ZBTB40: variants seen among roughly 807,000 people sequenced by gnomAD.
The protein encoded by ZBTB40 is zinc finger and BTB domain containing 40.
Under a neutral mutation model 117.5 loss-of-function variants are expected in ZBTB40, and 60 were observed. The observed-to-expected ratio is 0.51, with a 90% CI of 0.41 to 0.63. The LOEUF (loss-of-function observed/expected upper bound fraction) is 0.63. ZBTB40 is among the 30% of genes least tolerant of loss of function. The pLI is 0.00. For missense variants in ZBTB40, 1,287 were observed against 1,498.5 expected (o/e 0.86, Z 2.33); for synonymous variants, 525 against 577.1 (o/e 0.91, Z 1.29).
chr1:22,502,411 G>A lies in ZBTB40; in HGVS notation c.1137G>A (p.Lys379=). The stretch of plus-strand genomic sequence containing the variant: ...TTATGGAGTCCCTGGAAACAGCCAA[G>A]GAGGAATTCCTGACTGGCACTGAAA... ...RPIMESLETA[K]EEFLTGTEKR... is the part of the protein sequence containing the mutation. The change falls in exon 5 of 18, where the codon AAG becomes AAA. Residue 379 remains lysine (K), a synonymous_variant. Coordinates refer to ENST00000375647, the MANE Select transcript of ZBTB40 (RefSeq NM_014870.4). 1 of 1,614,086 alleles carries A rather than the reference G, an allele frequency of 6.2e-7. No individual in the cohort carries two copies. Among genetic ancestry groups the A allele is most frequent in the Non-Finnish European group, 8.5e-7 (1 of 1,179,970 alleles).
chr1:22,460,066 C>T (rs1641095793), intron 1 of ZBTB40, among the ~76,000 whole-genome samples: 1 of 152,180 alleles, frequency 6.6e-6, no homozygotes, highest in Non-Finnish European at 1.5e-5. Flanking sequence ...CTTGATACCT[C>T]CCCCCTTAAA....
intron 1 of ZBTB40, among the ~76,000 whole-genome samples, chr1:22,471,430 G>A (rs1641401359): frequency 6.6e-6 from 1 of 152,238 alleles, no homozygotes; most frequent in African/African-American, 2.4e-5. Context: ...CTGCATTTGG[G>A]CTCTGCTCAA....
intron 1 of ZBTB40, among the ~76,000 whole-genome samples, chr1:22,475,549 C>G (rs984182901): frequency 1.3e-5 from 2 of 152,180 alleles, no homozygotes; most frequent in East Asian, 1.9e-4. Flanking sequence ...GTCTGCAATT[C>G]TTTTTCTTTT....
chr1:22,464,113 G>T (rs1641196487), intron 1 of ZBTB40, among the ~76,000 whole-genome samples: 1 of 152,244 alleles, frequency 6.6e-6, no homozygotes, highest in Non-Finnish European at 1.5e-5. Flanking sequence ...TGCTTTAGGT[G>T]TAACTCATTT....
At chr1:22,495,009 C>A (rs750857736) in intron 3 of ZBTB40, among the ~76,000 whole-genome samples, 2 of 152,148 alleles carry the variant, frequency 1.3e-5, no homozygotes, top group Non-Finnish European at 2.9e-5. Context: ...TTTAGCTCCC[C>A]AAGAGCTTTG....
Position 22,529,188 on chromosome 1 carries a change from C to G in ZBTB40, c.*2792C>G, listed in dbSNP as rs1639764295. The G allele has an allele frequency of 6.6e-6, 1 of 152,302 alleles. No individual in the cohort carries two copies. The highest frequency in any genetic ancestry group is 1.5e-5 in the Non-Finnish European group (1 of 68,044). The allele number at this position is 152,302 out of a possible 1,614,324, so 9.4% of individuals were successfully genotyped here. A position where few individuals can be genotyped will look rare whatever the true frequency, so the allele number is the denominator to read the frequency against. ...CTGCCCAAGAGACCTGAATTGCTGC[C>G]ATAGAGGACAGTGTTTGTGTGGTCT... On this transcript the variant is annotated 3_prime_UTR_variant, in exon 18 of 18. Coordinates refer to ENST00000375647, the MANE Select transcript of ZBTB40 (RefSeq NM_014870.4).
At chr1:22,505,833 A>G (rs1412044733) in intron 5 of ZBTB40, among the ~76,000 whole-genome samples, 1 of 152,242 alleles carries the variant, frequency 6.6e-6, no homozygotes, top group Non-Finnish European at 1.5e-5. Context: ...ATTGAGAAAG[A>G]AAGATTTTCA....
chr1:22,482,342 A>G (rs986830310), intron 1 of ZBTB40, among the ~76,000 whole-genome samples: 1 of 152,162 alleles, frequency 6.6e-6, no homozygotes, highest in Admixed American at 6.5e-5. Flanking sequence ...GAGCAGTTTG[A>G]GGTACATGCA....
At chr1:22,520,528 G>A (rs973219466) in intron 14 of ZBTB40, among the ~76,000 whole-genome samples, 1 of 152,190 alleles carries the variant, frequency 6.6e-6, no homozygotes, top group South Asian at 2.1e-4. Flanking sequence ...CAGACTTGTC[G>A]TGAACTAATG....
intron 3 of ZBTB40, among the ~76,000 whole-genome samples, chr1:22,492,732 G>A (rs1489241451): frequency 1.3e-5 from 2 of 152,186 alleles, no homozygotes; most frequent in African/African-American, 4.8e-5. Flanking sequence ...TTGTTTTCTT[G>A]GGAGACAAGC....
At chr1:22,477,661 A>G (rs899197017) in intron 1 of ZBTB40, among the ~76,000 whole-genome samples, 2 of 151,802 alleles carry the variant, frequency 1.3e-5, no homozygotes, top group Admixed American at 1.3e-4. Context: ...AAAAAAAAAA[A>G]AAGAAAAGAA....
In ZBTB40 at chr1:22,490,205, G is replaced by C. The variant is rs199649617; in HGVS notation, c.257G>C (p.Gly86Ala). The C allele has an allele frequency of 2.1e-5, 34 of 1,614,062 alleles. No individual in the cohort carries two copies. The highest frequency in any genetic ancestry group is 2.7e-5 in the African/African-American group (2 of 74,914). ...EMMYTGKLPV[G>A]KHNFSKIISL... ...ATGTACACGGGCAAACTACCTGTGGGCAAGCACAACTTCTCCAAAATCATC... is the reference window on the plus strand; with the variant it reads ...ATGTACACGGGCAAACTACCTGTGGCCAAGCACAACTTCTCCAAAATCATC... Residue 86 changes from glycine to alanine, a missense_variant, in exon 2 of 18, where the codon GGC becomes GCC. Gly to Ala is a moderately conservative substitution (Grantham distance 60). Around this residue, in one of 2 missense-constraint regions of ZBTB40, gnomAD observed 870 missense variants for 934.4 expected, o/e 0.93. Coordinates refer to ENST00000375647, the MANE Select transcript of ZBTB40 (RefSeq NM_014870.4).
rs1639812000 is a variant in ZBTB40 at position 22,530,927 on chromosome 1, G to A, written c.*4531G>A. 6.6e-6 allele frequency: 1 copy of A among 152,170 alleles called. No individual in the cohort carries two copies. Among genetic ancestry groups the A allele is most frequent in the South Asian group, 2.1e-4 (1 of 4,814 alleles). The allele number at this position is 152,170 out of a possible 1,614,324, so 9.4% of individuals were successfully genotyped here. A position where few individuals can be genotyped will look rare whatever the true frequency, so the allele number is the denominator to read the frequency against. ...GTGTGGGGCAGGGTTTCAGAGCACA[G>A]GCTTTGGTGTCCAGCCTGGGTACAT... On this transcript the variant is annotated 3_prime_UTR_variant, in exon 18 of 18. Coordinates refer to ENST00000375647, the MANE Select transcript of ZBTB40 (RefSeq NM_014870.4).
chr1:22,520,608 G>T (rs551378307), intron 14 of ZBTB40, among the ~76,000 whole-genome samples: 34 of 152,288 alleles, frequency 2.2e-4, no homozygotes, highest in African/African-American at 8.2e-4. Context: ...GCATGACAGC[G>T]GCAATGGGGA....
In ZBTB40 at chr1:22,521,612, C is replaced by T. The variant is rs1403523354; in HGVS notation, c.3165C>T (p.Phe1055=). The change falls in exon 15 of 18, where the codon TTC becomes TTT. Residue 1055 remains phenylalanine, a synonymous_variant. Transcript: ENST00000375647. ...SLQCSSCDKT[F]PNTIEHKKHI... is the part of the protein sequence containing the mutation. ...AGTGCAGCTCCTGTGACAAAACCTT[C>T]CCCAACACCATTGAGCACAAGAAGC... 2 of 1,614,098 alleles carry T rather than the reference C, an allele frequency of 1.2e-6. No homozygotes were observed. The highest frequency in any genetic ancestry group is 2.7e-5 in the African/African-American group (2 of 74,928).
At chr1:22,437,670 T>A (rs1299694800) in intron 1 of ZBTB40, among the ~76,000 whole-genome samples, 1 of 151,936 alleles carries the variant, frequency 6.6e-6, no homozygotes, top group African/African-American at 2.4e-5. Flanking sequence ...TTTGCCCCTC[T>A]CAGCCTCCCA....
At chr1:22,512,880 T>C in intron 11 of ZBTB40, 44 bp from the exon 12 acceptor site, 1 of 1,601,740 alleles carries the variant, frequency 6.2e-7, no homozygotes, top group African/African-American at 1.3e-5. Context: ...CTAACACTGA[T>C]TAGTAGCATC....
chr1:22,467,564 T>A (rs542189479), intron 1 of ZBTB40, among the ~76,000 whole-genome samples: 2 of 152,226 alleles, frequency 1.3e-5, no homozygotes, highest in East Asian at 3.9e-4. Flanking sequence ...AATCTCTGCC[T>A]CCCTGGTTCA....
At chr1:22,432,500 A>G (rs1640605562) in intron 1 of ZBTB40, among the ~76,000 whole-genome samples, 1 of 152,246 alleles carries the variant, frequency 6.6e-6, no homozygotes, top group South Asian at 2.1e-4. Flanking sequence ...GTTAACATGA[A>G]GTAAAATTAA....
Sources: allele counts gnomAD v4.1 joint callset (sites outside exome capture counted in the v4.1 genomes callset), GRCh38; gene constraint gnomAD v4.1.1; regional missense constraint gnomAD v4.1.1; transcripts MANE v1.5; gene names NCBI Gene and HGNC (gene_info 2026-07-23, HGNC 2026-07-21).